Variants in ACYP2 observed in about 807,000 individuals in gnomAD.
The protein encoded by ACYP2 is acylphosphatase 2, also known as acylphosphatase-2.
A neutral mutation model predicts 11.2 loss-of-function variants in ACYP2; 12 were observed. That is an observed-to-expected ratio of 1.08 (90% CI 0.69 to 1.74). ACYP2 has a LOEUF of 1.74. ACYP2 is among the 40% of genes most tolerant of loss of function. ACYP2 has a pLI of 0.00. For missense variants in ACYP2, 134 were observed against 101.9 expected (o/e 1.31, Z -1.35); for synonymous variants, 43 against 32.2 (o/e 1.33, Z -1.13).
At chr2:54,015,285 G>A (rs994350969) in intron 2 of ACYP2, among the ~76,000 whole-genome samples, 4 of 151,438 alleles carry the variant, frequency 2.6e-5, no homozygotes, top group African/African-American at 9.7e-5. Flanking sequence ...GCCGAGGCGA[G>A]CAGATCATGT....
rs185871345 is a variant in ACYP2 at position 54,063,719 on chromosome 2, A to G, written c.277+6359A>G. ...TTGCTAGTTCAGAATGTTTCACTATAGCTAGTTGGCTTCCTTTAACTATGC... is the reference window on the plus strand; with the variant it reads ...TTGCTAGTTCAGAATGTTTCACTATGGCTAGTTGGCTTCCTTTAACTATGC... On this transcript the variant is annotated intron_variant, in intron 4 of 6. Transcript: ENST00000607452. Among the ~76,000 whole-genome samples the G allele has an allele frequency of 9.8e-5, 15 of 152,332 alleles. No individual in the cohort carries two copies. The East Asian group carries it at 2.9e-3, about 29-fold the overall frequency.
chr2:54,060,939 T>G (rs10203576), intron 4 of ACYP2, among the ~76,000 whole-genome samples: 86,716 of 151,908 alleles, frequency 0.57, 25,046 homozygotes, highest in East Asian at 0.73. Flanking sequence ...TGCCCTTATG[T>G]TTTATACCAT....
chr2:54,120,466 A>C (rs1644178608), intron 4 of ACYP2, among the ~76,000 whole-genome samples: 1 of 152,068 alleles, frequency 6.6e-6, no homozygotes, highest in Non-Finnish European at 1.5e-5. Flanking sequence ...TACTAATGAC[A>C]CTCCTAGAAA....
At chr2:54,050,561 A>G (rs950289955) in intron 2 of ACYP2, among the ~76,000 whole-genome samples, 19 of 151,848 alleles carry the variant, frequency 1.3e-4, no homozygotes, top group Non-Finnish European at 2.5e-4. Flanking sequence ...AAAAAAAAAA[A>G]AAAAGAAAAT....
intron 2 of ACYP2, among the ~76,000 whole-genome samples, chr2:53,991,959 C>T (rs1434782046): frequency 6.6e-6 from 1 of 151,972 alleles, no homozygotes; most frequent in Admixed American, 6.6e-5. Context: ...TGACACCACA[C>T]CCAGCTTCTT....
intron 6 of ACYP2, among the ~76,000 whole-genome samples, chr2:54,241,993 G>A (rs149470552): frequency 6.6e-6 from 1 of 152,274 alleles, no homozygotes; most frequent in African/African-American, 2.4e-5. Flanking sequence ...CAGCCTAGGT[G>A]ACACAGCAAG....
At position 54,022,758 on chromosome 2, in the gene ACYP2, G is replaced by A. The variant is rs990794561; in HGVS notation, c.63-28200G>A. On this transcript the variant is annotated intron_variant, in intron 2 of 6. Coordinates refer to ENST00000607452, the MANE Select transcript of ACYP2 (RefSeq NM_001320586.2). ...GACTCTCTGACCATTCACTGAAGCA[G>A]GTTGTAGGAGTCTCAGGCAAGGGGT... is the stretch of plus-strand genomic sequence containing the variant. 2.6e-5 allele frequency among the ~76,000 whole-genome samples: 4 copies of A among 152,194 alleles called. No homozygotes were observed. In the East Asian group the frequency reaches 7.7e-4, roughly 29 times the overall value.
intron 6 of ACYP2, among the ~76,000 whole-genome samples, chr2:54,292,152 C>A (rs538183690): frequency 6.6e-6 from 1 of 152,276 alleles, no homozygotes; most frequent in East Asian, 1.9e-4. Flanking sequence ...GCTGGAATTA[C>A]CAGCATGACC....
In ACYP2 at chr2:54,181,263, T is replaced by C. The variant is rs144285979; in HGVS notation, c.404+42515T>C. Among the ~76,000 whole-genome samples the C allele has an allele frequency of 5.4e-4, 82 of 152,268 alleles. No individual in the cohort carries two copies. In the East Asian group the frequency reaches 0.015, roughly 28 times the overall value. On this transcript the variant is annotated intron_variant, in intron 6 of 6. Coordinates refer to ENST00000607452, the MANE Select transcript of ACYP2 (RefSeq NM_001320586.2). Reference sequence around the variant, plus strand: ...TCCTAGAAGGAAATAAACAGGATGATGAAAGACAGTAAGTGGGGCAGGACA... The same window carrying C: ...TCCTAGAAGGAAATAAACAGGATGACGAAAGACAGTAAGTGGGGCAGGACA...
chr2:54,220,807 TA>T (rs1423458139), intron 6 of ACYP2, among the ~76,000 whole-genome samples: 18 of 152,342 alleles, frequency 1.2e-4, no homozygotes, highest in Admixed American at 1.1e-3. Flanking sequence ...CTCTCCTCCT[TA>T]ATTACCACAA....
chr2:54,078,105 C>A (rs558467363), intron 4 of ACYP2, among the ~76,000 whole-genome samples: 58 of 152,056 alleles, frequency 3.8e-4, no homozygotes, highest in African/African-American at 1.4e-3. Context: ...CACCACCACA[C>A]TCAGCTAATT....
chr2:54,257,385 G>C (rs1687604215), intron 6 of ACYP2, among the ~76,000 whole-genome samples: 1 of 152,142 alleles, frequency 6.6e-6, no homozygotes, highest in African/African-American at 2.4e-5. Flanking sequence ...CCCATGCATA[G>C]GTTTTTAAAT....
intron 6 of ACYP2, among the ~76,000 whole-genome samples, chr2:54,288,903 C>T (rs772475880): frequency 1.1e-4 from 17 of 151,990 alleles, no homozygotes; most frequent in Non-Finnish European, 1.8e-4. Flanking sequence ...AGTCCAGTTT[C>T]TTCCACAGCA....
chr2:54,207,639 G>A (rs1219947594), intron 6 of ACYP2, among the ~76,000 whole-genome samples: 1 of 152,076 alleles, frequency 6.6e-6, no homozygotes, highest in African/African-American at 2.4e-5. Flanking sequence ...TAAAGATAAT[G>A]GTAGCTAGCA....
chr2:54,019,174 C>T (rs1217341988), intron 2 of ACYP2, among the ~76,000 whole-genome samples: 1 of 151,884 alleles, frequency 6.6e-6, no homozygotes, highest in Non-Finnish European at 1.5e-5. Flanking sequence ...TCAAGCAATC[C>T]TTCCACCTCA....
chr2:54,013,311 GTGTGTTT>G (rs1558471454), intron 2 of ACYP2, among the ~76,000 whole-genome samples: 2 of 124,026 alleles, frequency 1.6e-5, no homozygotes, highest in East Asian at 2.5e-4. Context: ...GTGTGTGTGT[GTGTGTTT>G]TGAGACAGAG....
intron 3 of ACYP2, chr2:54,051,644 G>C (rs1245687541): frequency 5.4e-6 from 4 of 737,016 alleles, no homozygotes; most frequent in Non-Finnish European, 1.0e-5. Context: ...TGAAAAGAAG[G>C]CTGCGAAGTT....
chr2:54,231,231 A>G (rs1686223337), intron 6 of ACYP2, among the ~76,000 whole-genome samples: 1 of 152,224 alleles, frequency 6.6e-6, no homozygotes, highest in Non-Finnish European at 1.5e-5. Context: ...ACACGTTCTC[A>G]GGACCTCCTG....
chr2:53,972,014 A>G (rs1347857060), intron 1 of ACYP2, among the ~76,000 whole-genome samples: 7 of 152,272 alleles, frequency 4.6e-5, no homozygotes, highest in Non-Finnish European at 7.3e-5. Context: ...ACATTTTTTA[A>G]GAATTACTCT....
Sources: allele counts gnomAD v4.1 joint callset (sites outside exome capture counted in the v4.1 genomes callset), GRCh38; gene constraint gnomAD v4.1.1; transcripts MANE v1.5; gene names NCBI Gene and HGNC (gene_info 2026-07-23, HGNC 2026-07-21).